Variants in RIT2 observed in about 807,000 individuals in gnomAD.
RIT2 encodes GTP-binding protein Rit2.
RIT2 carries 24 observed loss-of-function variants against 23.7 expected under a neutral mutation model. The ratio of observed to expected loss-of-function variants is 1.01; its 90% CI spans 0.73 to 1.43. RIT2 has a LOEUF of 1.43. RIT2 is among the 40% of genes most tolerant of loss of function. The probability of loss-of-function intolerance (pLI) is 0.00; values close to 1 mark genes in which losing one functional copy is unlikely to be tolerated. For synonymous variants in RIT2, 107 were observed against 91.1 expected, an observed-to-expected ratio of 1.17 and a Z score of -0.99; for missense variants, 236 against 266.9, an observed-to-expected ratio of 0.88 and a Z score of 0.81.
chr18:43,010,110 C>T (rs1442500080), intron 2 of RIT2, among the ~76,000 whole-genome samples: 1 of 151,770 alleles, frequency 6.6e-6, no homozygotes, highest in African/African-American at 2.4e-5. Context: ...CAAGCATTTT[C>T]CTTTACTACA....
intron 4 of RIT2, among the ~76,000 whole-genome samples, chr18:42,789,546 C>A (rs1251953851): frequency 2.0e-5 from 3 of 152,106 alleles, no homozygotes; most frequent in Admixed American, 1.3e-4. Context: ...AGATCTTTCA[C>A]CTCTTGGTTA....
rs540675510 is a variant in RIT2 at position 42,965,645 on chromosome 18, C to T, written c.234+8429G>A. ...AGAAAAAACTTTTTGTGCAAAATAT[C>T]GTAAAGGATATAAAGAAATATAAAA... On this transcript the variant is annotated intron_variant, in intron 3 of 4. Coordinates refer to ENST00000326695, the MANE Select transcript of RIT2 (RefSeq NM_002930.4). Among the ~76,000 whole-genome samples the T allele has an allele frequency of 1.0e-4, 14 of 135,370 alleles. No individual in the cohort carries two copies. The Middle Eastern group carries it at 0.022, about 215-fold the overall frequency. The allele number at this position is 135,370 out of a possible 152,430, so 88.8% of individuals were successfully genotyped here.
At chr18:42,912,301 T>C (rs1238373925) in intron 4 of RIT2, among the ~76,000 whole-genome samples, 1 of 151,706 alleles carries the variant, frequency 6.6e-6, no homozygotes, top group African/African-American at 2.4e-5. Context: ...AGAATACCTA[T>C]TAAAAAAACT....
intron 4 of RIT2, among the ~76,000 whole-genome samples, chr18:42,829,720 A>G (rs1906402158): frequency 6.6e-6 from 1 of 152,238 alleles, no homozygotes; most frequent in East Asian, 1.9e-4. Context: ...AGGAGCAGAG[A>G]GAATATAAAT....
intron 1 of RIT2, among the ~76,000 whole-genome samples, chr18:43,101,720 T>C (rs1161087500): frequency 1.3e-5 from 2 of 152,348 alleles, no homozygotes; most frequent in East Asian, 3.9e-4. Flanking sequence ...TGTATTCCTG[T>C]CATAGCAAAG....
intron 4 of RIT2, among the ~76,000 whole-genome samples, chr18:42,796,754 T>A (rs1905377216): frequency 6.6e-6 from 1 of 152,206 alleles, no homozygotes; most frequent in Non-Finnish European, 1.5e-5. Flanking sequence ...TTTACCACTT[T>A]CCTGTCCAGC....
At chr18:42,997,553 T>G (rs539276781) in intron 2 of RIT2, among the ~76,000 whole-genome samples, 2 of 151,944 alleles carry the variant, frequency 1.3e-5, no homozygotes, top group South Asian at 4.2e-4. Flanking sequence ...TGTTTCATAT[T>G]TTAATGCCAG....
chr18:43,108,753 T>C (rs577849476), intron 1 of RIT2, among the ~76,000 whole-genome samples: 2 of 152,204 alleles, frequency 1.3e-5, no homozygotes, highest in Non-Finnish European at 2.9e-5. Flanking sequence ...CTGAGCCTTA[T>C]TTAGACCTCT....
At chr18:43,018,381 G>A (rs1320873202) in intron 2 of RIT2, among the ~76,000 whole-genome samples, 3 of 151,374 alleles carry the variant, frequency 2.0e-5, no homozygotes, top group African/African-American at 7.3e-5. Flanking sequence ...TAAGATACAA[G>A]TATTTCAGGA....
At chr18:42,801,277 T>C (rs1380731773) in intron 4 of RIT2, among the ~76,000 whole-genome samples, 1 of 152,216 alleles carries the variant, frequency 6.6e-6, no homozygotes, top group Non-Finnish European at 1.5e-5. Flanking sequence ...TGTTAGAGTA[T>C]AACATGGCTG....
chr18:42,967,168 C>T (rs1910246368), intron 3 of RIT2, among the ~76,000 whole-genome samples: 1 of 152,112 alleles, frequency 6.6e-6, no homozygotes, highest in African/African-American at 2.4e-5. Context: ...TGATATATTT[C>T]TCTCTCTATA....
At chr18:42,873,720 G>C (rs1907677163) in intron 4 of RIT2, among the ~76,000 whole-genome samples, 1 of 152,050 alleles carries the variant, frequency 6.6e-6, no homozygotes. Context: ...GCAGATATCA[G>C]AAAGTTGTTA....
chr18:43,096,408 G>A (rs1913554471), intron 1 of RIT2, among the ~76,000 whole-genome samples: 1 of 151,588 alleles, frequency 6.6e-6, no homozygotes, highest in African/African-American at 2.4e-5. Flanking sequence ...TACATTTCAA[G>A]AAGAGTACAC....
intron 1 of RIT2, among the ~76,000 whole-genome samples, chr18:43,102,402 A>G (rs1280533055): frequency 2.0e-5 from 3 of 151,232 alleles, no homozygotes; most frequent in Non-Finnish European, 2.9e-5. Flanking sequence ...ACATTTTATA[A>G]AATACTTTCT....
chr18:43,037,332 AG>A (rs1368765406), intron 1 of RIT2, among the ~76,000 whole-genome samples: 1 of 152,142 alleles, frequency 6.6e-6, no homozygotes, highest in African/African-American at 2.4e-5. Flanking sequence ...ATTATTTAAA[AG>A]TTTCCCTTAT....
At chr18:43,093,997 G>A (rs144596379) in intron 1 of RIT2, among the ~76,000 whole-genome samples, 274 of 152,014 alleles carry the variant, frequency 1.8e-3, no homozygotes, top group African/African-American at 6.3e-3. Flanking sequence ...GGAGAGAGGA[G>A]CAGGGGAGCA....
chr18:42,904,591 T>A (rs1214621661), intron 4 of RIT2, among the ~76,000 whole-genome samples: 1 of 152,134 alleles, frequency 6.6e-6, no homozygotes, highest in Non-Finnish European at 1.5e-5. Context: ...ACTACATTAG[T>A]TCTGGCCTAC....
rs191612703 is a variant in RIT2 at position 43,023,044 on chromosome 18, T to C, written c.160+10767A>G. 5.8e-4 allele frequency among the ~76,000 whole-genome samples: 89 copies of C among 152,220 alleles called. 1 individual carries two copies. The highest frequency in any genetic ancestry group is 4.0e-4 in the Non-Finnish European group (27 of 67,974). On this transcript the variant is annotated intron_variant, in intron 2 of 4. Coordinates refer to ENST00000326695, the MANE Select transcript of RIT2 (RefSeq NM_002930.4). ...CAATGCAGTCGTGAAAGATGTGTTA[T>C]GCATTCTTAGTATGACGTCATTAAA... is the stretch of plus-strand genomic sequence containing the variant.
At chr18:43,012,571 G>A (rs1267978017) in intron 2 of RIT2, among the ~76,000 whole-genome samples, 4 of 151,350 alleles carry the variant, frequency 2.6e-5, no homozygotes, top group Admixed American at 6.6e-5. Flanking sequence ...ATTTTTAAGT[G>A]TTCTCTATAC....
Sources: allele counts gnomAD v4.1 joint callset (sites outside exome capture counted in the v4.1 genomes callset), GRCh38; gene constraint gnomAD v4.1.1; transcripts MANE v1.5; gene names NCBI Gene and HGNC (gene_info 2026-07-23, HGNC 2026-07-21).